Variants in EML1 observed in about 807,000 individuals in gnomAD.
The protein encoded by EML1 is echinoderm microtubule-associated protein-like 1.
Under a neutral mutation model 110.4 loss-of-function variants are expected in EML1, and 27 were observed. The observed-to-expected ratio is 0.24, with a 90% CI of 0.18 to 0.34. The LOEUF is 0.34. Among genes scored for constraint, EML1 ranks in the 10% least tolerant of loss-of-function variants. The pLI is 1.00. For synonymous variants in EML1, 344 were observed against 385.8 expected (o/e 0.89, Z 1.27); for missense variants, 741 against 1,030.9 (o/e 0.72, Z 3.85).
rs1246772604 is a variant in EML1 at position 99,781,306 on chromosome 14, C to G, written c.-27+7293C>G. 6.6e-6 allele frequency among the ~76,000 whole-genome samples: 1 copy of G among 152,072 alleles called. No individual in the cohort carries two copies. Among genetic ancestry groups the G allele is most frequent in the South Asian group, 2.1e-4 (1 of 4,814 alleles). Reference sequence around the variant, plus strand: ...CCACCTGTTTCCTGGCCAGCTCTAGCCCTAAGGCCCTGCCCTTGCTCATGG... The same window carrying G: ...CCACCTGTTTCCTGGCCAGCTCTAGGCCTAAGGCCCTGCCCTTGCTCATGG... On this transcript the variant is annotated intron_variant, in intron 1 of 22. Coordinates refer to the EML1 transcript ENST00000327921. This position sits in a 1 kb window ranked among gnomAD's most constrained non-coding sequence, Gnocchi z 4.2.
At chr14:99,838,221 T>A (rs2058572438) in intron 1 of EML1, among the ~76,000 whole-genome samples, 1 of 152,230 alleles carries the variant, frequency 6.6e-6, no homozygotes, top group Non-Finnish European at 1.5e-5. Context: ...TTGGATGATG[T>A]AACCATATAG....
intron 1 of EML1, among the ~76,000 whole-genome samples, chr14:99,816,604 G>C (rs1335156929): frequency 6.6e-6 from 1 of 152,258 alleles, no homozygotes; most frequent in Non-Finnish European, 1.5e-5. Flanking sequence ...TGGTCCATAG[G>C]TCTTCTTCTG....
In EML1 at chr14:99,827,305, C is replaced by T. The variant is rs141492602; in HGVS notation, c.68-23548C>T. 1.9e-3 allele frequency among the ~76,000 whole-genome samples: 286 copies of T among 151,874 alleles called. No homozygotes were observed. The highest frequency in any genetic ancestry group is 4.2e-3 in the African/African-American group (175 of 41,446). On this transcript the variant is annotated intron_variant, in intron 1 of 21. Coordinates refer to ENST00000262233, the MANE Select transcript of EML1 (RefSeq NM_004434.3). The surrounding 1 kb of genome is among the most constrained non-coding windows in gnomAD (Gnocchi z 4.4). ...CGAGAGAGGCCTCAGAAGAAACTAG[C>T]GTAACTGGACCTTGCCGGTTTTGAG...
At chr14:99,850,472 C>A in intron 1 of EML1, 1 of 689,718 alleles carries the variant, frequency 1.4e-6, no homozygotes, top group Non-Finnish European at 2.1e-6. Context: ...GGAACAGAAG[C>A]TAGAAGACCA....
At chr14:99,890,158 G>A (rs1440207768) in intron 4 of EML1, among the ~76,000 whole-genome samples, 1 of 152,178 alleles carries the variant, frequency 6.6e-6, no homozygotes, top group African/African-American at 2.4e-5. Context: ...AAATGCATAT[G>A]TAATCCTAGC....
At chr14:99,851,544 T>A (rs2139833658) in intron 2 of EML1, among the ~76,000 whole-genome samples, 1 of 152,222 alleles carries the variant, frequency 6.6e-6, no homozygotes, top group South Asian at 2.1e-4. Context: ...CCTGACCTCG[T>A]GATCCGCCCG....
At chr14:99,924,328 T>C (rs2060194999) in intron 17 of EML1, among the ~76,000 whole-genome samples, 2 of 152,242 alleles carry the variant, frequency 1.3e-5, no homozygotes, top group African/African-American at 4.8e-5. Flanking sequence ...TTTAGTATAA[T>C]AGTCCCTCCC....
At chr14:99,885,718 T>G (rs2059461444) in intron 4 of EML1, among the ~76,000 whole-genome samples, 1 of 152,236 alleles carries the variant, frequency 6.6e-6, no homozygotes, top group African/African-American at 2.4e-5. Flanking sequence ...TTGAGACTGT[T>G]AGCTGAGGAG....
At chr14:99,748,750 C>A (rs899195264) in intron 1 of EML1, among the ~76,000 whole-genome samples, 3 of 152,176 alleles carry the variant, frequency 2.0e-5, no homozygotes, top group Non-Finnish European at 4.4e-5. Flanking sequence ...GCAACCATCA[C>A]CACAATCAAA....
At chr14:99,789,409 A>G (rs528745563), upstream of EML1, among the ~76,000 whole-genome samples, 1 of 152,214 alleles carries the variant, frequency 6.6e-6, no homozygotes, top group Non-Finnish European at 1.5e-5. Flanking sequence ...GGGTTTCACC[A>G]TGTTGGCCAG....
chr14:99,907,772 T>C lies in EML1; in HGVS notation c.1104+39T>C, dbSNP rs572386864. On this transcript the variant is annotated intron_variant, in intron 10 of 21. Transcript: ENST00000262233. ...CCTTTTTTGGGCTGCATTAACATTT[T>C]CCCATTCAGAGCCGCCCTGGCATAG... 1.6e-5 allele frequency: 26 copies of C among 1,605,442 alleles called. No homozygotes were observed. In the African/African-American group the frequency reaches 3.3e-4, roughly 21 times the overall value.
intron 4 of EML1, among the ~76,000 whole-genome samples, chr14:99,887,230 C>T (rs1313030583): frequency 6.6e-6 from 1 of 152,210 alleles, no homozygotes; most frequent in East Asian, 1.9e-4. Flanking sequence ...AGCTCTCGAA[C>T]CATTCAGCTC....
At position 99,941,039 on chromosome 14, in the gene EML1, G is replaced by A. The variant is rs749245501; in HGVS notation, c.*927G>A. On this transcript the variant is annotated 3_prime_UTR_variant, in exon 22 of 22. Coordinates refer to ENST00000262233, the MANE Select transcript of EML1 (RefSeq NM_004434.3). Reference sequence around the variant, plus strand: ...AGACCAAGTCAGAAAGATCTCTCTCGAGCGTACCATAAACCTGCAGAGAGA... The same window carrying A: ...AGACCAAGTCAGAAAGATCTCTCTCAAGCGTACCATAAACCTGCAGAGAGA... The A allele has an allele frequency of 1.3e-5, 2 of 152,094 alleles. No homozygotes were observed. The highest frequency in any genetic ancestry group is 1.5e-5 in the Non-Finnish European group (1 of 68,038). The allele number at this position is 152,094 out of a possible 1,614,324, so 9.4% of individuals were successfully genotyped here. A position where few individuals can be genotyped will look rare whatever the true frequency, so the allele number is the denominator to read the frequency against.
chr14:99,940,251 CT>C lies in EML1; in HGVS notation c.*141del. 8.1e-7 allele frequency: 1 copy of C among 1,230,238 alleles called. No homozygotes were observed. The highest frequency in any genetic ancestry group is 1.1e-6 in the Non-Finnish European group (1 of 948,128). 76.2% of individuals were successfully genotyped at this position (1,230,238 alleles called of 1,614,324 possible). A position where few individuals can be genotyped will look rare whatever the true frequency, so the allele number is the denominator to read the frequency against. ...CTGTGCCCTCCGCCGGCTACCTTAG[CT>C]TAGCGTGTCAGCGGGCGCCACAGCG... On this transcript the variant is annotated 3_prime_UTR_variant, in exon 22 of 22. Transcript: ENST00000262233.
At chr14:99,898,878 A>C (rs947775645) in intron 8 of EML1, among the ~76,000 whole-genome samples, 1 of 152,150 alleles carries the variant, frequency 6.6e-6, no homozygotes, top group African/African-American at 2.4e-5. Flanking sequence ...GTTTATTTAT[A>C]TGATAAGTAT....
At chr14:99,862,805 C>CTGT (rs2059023517) in intron 2 of EML1, among the ~76,000 whole-genome samples, 1 of 152,212 alleles carries the variant, frequency 6.6e-6, no homozygotes, top group Non-Finnish European at 1.5e-5. Context: ...CGTGCTGCTG[C>CTGT]TTCCCCTGAA....
intron 1 of EML1, among the ~76,000 whole-genome samples, chr14:99,802,151 G>A (rs367778800): frequency 3.3e-5 from 5 of 151,796 alleles, no homozygotes; most frequent in East Asian, 2.0e-4. Context: ...AGAGCCATTC[G>A]GGCCAGGGAA....
chr14:99,934,340 T>C (rs1483956402), intron 17 of EML1, among the ~76,000 whole-genome samples: 3 of 152,234 alleles, frequency 2.0e-5, no homozygotes, highest in East Asian at 3.9e-4. Flanking sequence ...GCAAAAAATA[T>C]GTATTTGCCC....
At chr14:99,876,005 TGA>T (rs1393845717) in intron 3 of EML1, among the ~76,000 whole-genome samples, 1 of 152,134 alleles carries the variant, frequency 6.6e-6, no homozygotes, top group East Asian at 1.9e-4. Flanking sequence ...ATAATCACCC[TGA>T]GAGTGATTTC....
Sources: allele counts gnomAD v4.1 joint callset (sites outside exome capture counted in the v4.1 genomes callset), GRCh38; gene constraint gnomAD v4.1.1; non-coding constraint Gnocchi (gnomAD v3.1); transcripts MANE v1.5; gene names NCBI Gene and HGNC (gene_info 2026-07-23, HGNC 2026-07-21).